KLHL29: variants seen among roughly 807,000 people sequenced by gnomAD.
The protein encoded by KLHL29 is kelch like family member 29.
KLHL29 carries 21 observed loss-of-function variants against 80.4 expected under a neutral mutation model. The observed-to-expected ratio is 0.26, with a 90% CI of 0.19 to 0.38. KLHL29 has a LOEUF of 0.38. Among genes scored for constraint, KLHL29 ranks in the 10% least tolerant of loss-of-function variants. KLHL29 has a pLI of 1.00. For synonymous variants in KLHL29, 511 were observed against 526.8 expected, an observed-to-expected ratio of 0.97 and a Z score of 0.41; for missense variants, 867 against 1,223.9, an observed-to-expected ratio of 0.71 and a Z score of 4.35.
intron 3 of KLHL29, among the ~76,000 whole-genome samples, chr2:23,620,099 C>T (rs536060056): frequency 6.8e-4 from 104 of 152,198 alleles, no homozygotes; most frequent in Non-Finnish European, 1.2e-3. Context: ...TAAGATGGAG[C>T]GAGCCTCGGT....
At chr2:23,498,509 G>A (rs1193886342) in intron 2 of KLHL29, among the ~76,000 whole-genome samples, 1 of 152,250 alleles carries the variant, frequency 6.6e-6, no homozygotes, top group Admixed American at 6.5e-5. Flanking sequence ...GGGGCCAAAG[G>A]AAGCCCCTCT....
chr2:23,649,477 C>T (rs530694991), intron 5 of KLHL29, among the ~76,000 whole-genome samples: 10 of 152,290 alleles, frequency 6.6e-5, no homozygotes, highest in Admixed American at 5.2e-4. Context: ...ACCAGGCAAG[C>T]GGAAAGATGC....
chr2:23,409,310 C>T (rs1666806426), intron 1 of KLHL29, among the ~76,000 whole-genome samples: 3 of 152,144 alleles, frequency 2.0e-5, no homozygotes. Flanking sequence ...GTCATCTTCT[C>T]CAGATTAAGG....
chr2:23,485,461 C>T (rs999403312), intron 2 of KLHL29, among the ~76,000 whole-genome samples: 1 of 152,224 alleles, frequency 6.6e-6, no homozygotes, highest in African/African-American at 2.4e-5. Context: ...TGACCCTGCT[C>T]TCCCAAGGCC....
Position 23,695,597 on chromosome 2 carries a change from A to G in KLHL29, c.1543-26A>G, listed in dbSNP as rs1217575312. ...GGTGGCTCTCTCTTGCTAGTCTAAG[A>G]AGATTCTGTCTCCTGTACCCTGCAG... On this transcript the variant is annotated intron_variant, in intron 8 of 13. Coordinates refer to ENST00000486442, the MANE Select transcript of KLHL29 (RefSeq NM_052920.2). The surrounding 1 kb of genome is among the most constrained non-coding windows in gnomAD (Gnocchi z 7.6). 2 of 1,506,150 alleles carry G rather than the reference A, an allele frequency of 1.3e-6. No individual in the cohort carries two copies. Among genetic ancestry groups the G allele is most frequent in the Non-Finnish European group, 1.8e-6 (2 of 1,120,518 alleles). 93.3% of individuals were successfully genotyped at this position (1,506,150 alleles called of 1,614,324 possible).
chr2:23,703,950 G>T, intron 13 of KLHL29, 87 bp downstream of exon 13: 1 of 1,397,726 alleles, frequency 7.2e-7, no homozygotes, highest in South Asian at 1.4e-5. Context: ...TGCCATCAGT[G>T]ACCATAGCAA....
At chr2:23,693,188 G>T in intron 7 of KLHL29, 81 bp from the exon 8 acceptor site, 1 of 1,466,948 alleles carries the variant, frequency 6.8e-7, no homozygotes, top group South Asian at 1.4e-5. Flanking sequence ...TTCAGAGAAG[G>T]ATCTAGGGTG....
intron 5 of KLHL29, among the ~76,000 whole-genome samples, chr2:23,664,382 C>T (rs551799406): frequency 4.6e-5 from 7 of 152,266 alleles, no homozygotes; most frequent in African/African-American, 1.7e-4. Context: ...TGAACTATGT[C>T]AAACATTGGG....
chr2:23,415,970 G>T (rs1293704174), intron 1 of KLHL29, among the ~76,000 whole-genome samples: 8 of 152,130 alleles, frequency 5.3e-5, no homozygotes, highest in Admixed American at 5.2e-4. Flanking sequence ...TAGCTGATAA[G>T]AAATTGGTGA....
intron 4 of KLHL29, among the ~76,000 whole-genome samples, chr2:23,640,893 G>A (rs1373177027): frequency 2.0e-5 from 3 of 152,144 alleles, no homozygotes; most frequent in African/African-American, 7.2e-5. Context: ...TTGGACAGTG[G>A]GCTGGTAGTG....
intron 2 of KLHL29, among the ~76,000 whole-genome samples, chr2:23,514,892 C>T (rs1665877139): frequency 6.6e-6 from 1 of 152,200 alleles, no homozygotes; most frequent in South Asian, 2.1e-4. Flanking sequence ...CCCACCCATC[C>T]TTCCAGTTCC....
At chr2:23,705,937 G>A (rs1257997546) in intron 13 of KLHL29, among the ~76,000 whole-genome samples, 3 of 152,184 alleles carry the variant, frequency 2.0e-5, no homozygotes, top group African/African-American at 7.2e-5. Flanking sequence ...AGGGGTCCAG[G>A]CACAGCCATC....
chr2:23,415,091 C>T (rs1198364489), intron 1 of KLHL29, among the ~76,000 whole-genome samples: 2 of 152,238 alleles, frequency 1.3e-5, no homozygotes, highest in Non-Finnish European at 2.9e-5. Flanking sequence ...CAGAACAGCA[C>T]CACCAAGCTT....
intron 1 of KLHL29, among the ~76,000 whole-genome samples, chr2:23,431,184 A>T (rs1663165418): frequency 6.6e-6 from 1 of 152,194 alleles, no homozygotes; most frequent in African/African-American, 2.4e-5. Flanking sequence ...TGTGGAGTCC[A>T]TGGCACCAAC....
At chr2:23,568,442 G>T (rs1376357801) in intron 3 of KLHL29, among the ~76,000 whole-genome samples, 5 of 152,160 alleles carry the variant, frequency 3.3e-5, no homozygotes, top group Non-Finnish European at 7.4e-5. Flanking sequence ...GATGATCAGG[G>T]TTAGTCTCAC....
chr2:23,421,238 T>A (rs1662792448), intron 1 of KLHL29, among the ~76,000 whole-genome samples: 1 of 152,176 alleles, frequency 6.6e-6, no homozygotes, highest in African/African-American at 2.4e-5. Flanking sequence ...TTGGCACCTG[T>A]CTTGTGGTGT....
intron 1 of KLHL29, among the ~76,000 whole-genome samples, chr2:23,463,800 AAAAG>A (rs1188485974): frequency 2.2e-4 from 33 of 152,320 alleles, no homozygotes; most frequent in African/African-American, 6.5e-4. Flanking sequence ...GCGCTTCACA[AAAAG>A]AAAGAGTAAT....
intron 2 of KLHL29, among the ~76,000 whole-genome samples, chr2:23,530,541 C>T (rs1319077254): frequency 6.6e-6 from 1 of 152,246 alleles, no homozygotes; most frequent in East Asian, 1.9e-4. Flanking sequence ...TGGTACTTAA[C>T]GAAAGTGAAT....
At chr2:23,467,135 G>A (rs540157765) in intron 1 of KLHL29, among the ~76,000 whole-genome samples, 6 of 152,226 alleles carry the variant, frequency 3.9e-5, no homozygotes, top group East Asian at 1.9e-4. Flanking sequence ...ACATCAATTC[G>A]TGCCAGGCTG....
Sources: gnomAD v4.1 joint callset for allele counts (sites outside exome capture counted in the v4.1 genomes callset) on GRCh38, gnomAD v4.1.1 for gene constraint, Gnocchi (gnomAD v3.1) non-coding constraint, MANE v1.5 for transcripts, NCBI Gene and HGNC (gene_info 2026-07-23, HGNC 2026-07-21) for gene names.